Variants in SMG5 observed in about 807,000 individuals in gnomAD.
SMG5 encodes the protein SMG5 nonsense mediated mRNA decay factor, also known as nonsense-mediated mRNA decay factor SMG5.
A neutral mutation model predicts 122.9 loss-of-function variants in SMG5; 53 were observed. The ratio of observed to expected loss-of-function variants is 0.43; its 90% CI spans 0.35 to 0.54. The LOEUF is 0.54. Among genes scored for constraint, SMG5 ranks in the 20% least tolerant of loss-of-function variants. The pLI, the probability that SMG5 is intolerant of heterozygous loss-of-function variation, is 0.01. For missense variants in SMG5, 1,153 were observed against 1,285.6 expected (o/e 0.90, Z 1.58); for synonymous variants, 477 against 490.2 (o/e 0.97, Z 0.35).
At chr1:156,289,471 G>C in the SMG5 span, among the ~76,000 whole-genome samples, 1 of 152,194 alleles carries the variant, frequency 6.6e-6, no homozygotes, top group African/African-American at 2.4e-5. Context: ...AATTAGCCGG[G>C]CATGGTGGTG....
At chr1:156,285,387 G>A, upstream of SMG5, 2 of 1,588,694 alleles carry the variant, frequency 1.3e-6, no homozygotes, top group South Asian at 2.3e-5. Context: ...TCTTCAGCTG[G>A]ATCTCCCACA....
intron 7 of SMG5, among the ~76,000 whole-genome samples, chr1:156,271,314 C>T (rs1662409564): frequency 1.3e-5 from 2 of 152,216 alleles, no homozygotes; most frequent in South Asian, 4.1e-4. Flanking sequence ...ATGAAGACCA[C>T]CCTACTCCTT....
At chr1:156,253,120 C>T (rs1459172767) in intron 17 of SMG5, 42 bp from the exon 18 acceptor site, 1 of 1,531,596 alleles carries the variant, frequency 6.5e-7, no homozygotes, top group Non-Finnish European at 8.8e-7. Context: ...TGGGGGACCC[C>T]TGCAGCCGGG....
chr1:156,286,470 C>T, upstream of SMG5: 1 of 1,614,122 alleles, frequency 6.2e-7, no homozygotes, highest in South Asian at 1.1e-5. Context: ...TTTGCCGTCT[C>T]CCGGTAAGTT....
rs755362335 is a variant in SMG5 at position 156,273,344 on chromosome 1, A to T, written c.634+17T>A. The T allele has an allele frequency of 3.7e-6, 6 of 1,611,322 alleles. No homozygotes were observed. In the South Asian group the frequency reaches 4.4e-5, roughly 12 times the overall value. ...AAACCCTACTGGATTCAGAGGCCCA[A>T]GTTGGGGACAACTTACCAATCTGAG... On this transcript the variant is annotated intron_variant, in intron 6 of 21. Transcript: ENST00000361813.
At chr1:156,276,560 G>A (rs1662694786) in intron 4 of SMG5, among the ~76,000 whole-genome samples, 1 of 152,232 alleles carries the variant, frequency 6.6e-6, no homozygotes, top group Non-Finnish European at 1.5e-5. Flanking sequence ...AGAGAGAGCA[G>A]AGAGAGCTGG....
Position 156,282,621 on chromosome 1 carries a change from A to G in SMG5, c.60T>C (p.Thr20=). 6.2e-7 allele frequency: 1 copy of G among 1,608,940 alleles called. No homozygotes were observed. The highest frequency in any genetic ancestry group is 8.5e-7 in the Non-Finnish European group (1 of 1,179,670). The change falls in exon 1 of 22, where the codon ACT becomes ACC. Residue 20 remains threonine (T), a synonymous_variant. Transcript: ENST00000361813. ...GCCCCTCTCACCGGTAAAGCCGCTT[A>G]GTGTGGAGGACTTTTGCTTCGGGCT... The part of the protein sequence containing the change: ...SSEPEAKVLH[T]KRLYRAVVEA...
intron 21 of SMG5, 73 bp from the exon 22 acceptor site, chr1:156,250,743 G>A (rs1156763734): frequency 1.2e-4 from 197 of 1,601,684 alleles, no homozygotes; most frequent in Non-Finnish European, 1.6e-4. Context: ...TGAGGCGCTG[G>A]GGAAGGAGTG....
chr1:156,261,317 C>A lies in SMG5; in HGVS notation c.2107+16G>T. ...AGAGAGCAAAGAAAGGAGGGTAGTG[C>A]CAGGGACCCACTCACCAGACTCCTG... On this transcript the variant is annotated intron_variant, in intron 14 of 21. Coordinates refer to ENST00000361813, the MANE Select transcript of SMG5 (RefSeq NM_015327.3). 6.2e-7 allele frequency: 1 copy of A among 1,613,032 alleles called. No individual in the cohort carries two copies. Among genetic ancestry groups the A allele is most frequent in the Non-Finnish European group, 8.5e-7 (1 of 1,179,056 alleles).
chr1:156,264,217 G>A (rs77234346), intron 12 of SMG5, among the ~76,000 whole-genome samples: 32,637 of 133,654 alleles, frequency 0.24, 3,823 homozygotes, highest in Admixed American at 0.39. Flanking sequence ...GCAGTGAGCC[G>A]AGATTGCACC....
chr1:156,291,412 G>A, the SMG5 span: 1 of 1,613,958 alleles, frequency 6.2e-7, no homozygotes, highest in Admixed American at 1.7e-5. Flanking sequence ...CCTTTGCCGT[G>A]GGCCGCTCCT....
At chr1:156,274,939 G>A (rs982616991) in intron 4 of SMG5, among the ~76,000 whole-genome samples, 4 of 151,862 alleles carry the variant, frequency 2.6e-5, no homozygotes, top group Admixed American at 6.6e-5. Context: ...GGAGGGCTAG[G>A]GCCCTCAACC....
intron 16 of SMG5, among the ~76,000 whole-genome samples, chr1:156,256,592 T>G (rs116670713): frequency 3.6e-3 from 546 of 152,198 alleles, no homozygotes; most frequent in African/African-American, 0.013. Context: ...CCCAGAGAAC[T>G]AGTGTAGGTG....
In SMG5 at chr1:156,252,499, C is replaced by T. The variant is rs765851716; in HGVS notation, c.2668G>A (p.Asp890Asn). Residue 890 changes from aspartate to asparagine, a missense_variant, in exon 19 of 22, where the codon GAT becomes AAT. Coordinates refer to ENST00000361813, the MANE Select transcript of SMG5 (RefSeq NM_015327.3). ...TCCTTCTTCAGCAAATCCAGGCCAT[C>T]GATCACTGGTGGGCAAGGTAGGGAA... ...FIVIIPRTVI[D>N]GLDLLKKEHP... The T allele has an allele frequency of 6.2e-7, 1 of 1,613,976 alleles. No homozygotes were observed. Among genetic ancestry groups the T allele is most frequent in the South Asian group, 1.1e-5 (1 of 91,072 alleles).
chr1:156,253,456 C>T lies in SMG5; in HGVS notation c.2495G>A (p.Arg832Gln), dbSNP rs1661442484. 4 of 1,613,904 alleles carry T rather than the reference C, an allele frequency of 2.5e-6. No individual in the cohort carries two copies. Among genetic ancestry groups the T allele is most frequent in the African/African-American group, 2.7e-5 (2 of 74,868 alleles). The change falls in exon 17 of 22, where the codon CGA (arginine) becomes CAA (glutamine). Residue 832 changes from arginine to glutamine, a missense_variant. By Grantham distance (43) the Arg-to-Gln change is conservative. This residue lies in a region of SMG5 where 140 missense variants were observed against 227.8 expected (regional missense o/e 0.61). Coordinates refer to ENST00000361813, the MANE Select transcript of SMG5 (RefSeq NM_015327.3). ...TGGGTCCTGATTTCCTACCTGAAGT[C>T]GTAGCTGAGCCATGTCTCTCATGAG... ...NRLMRDMAQL[R>Q]LQLEVSQLEG...
chr1:156,284,566 C>T (rs529370841), upstream of SMG5, among the ~76,000 whole-genome samples: 1 of 152,244 alleles, frequency 6.6e-6, no homozygotes, highest in South Asian at 2.1e-4. Context: ...ACCTAAATAT[C>T]AGAATAGCAG....
At chr1:156,271,165 G>A (rs957181777) in intron 7 of SMG5, among the ~76,000 whole-genome samples, 3 of 152,148 alleles carry the variant, frequency 2.0e-5, no homozygotes, top group South Asian at 2.1e-4. Context: ...TTAATACAGC[G>A]ACTAGGTTAC....
chr1:156,251,371 T>G (rs756491854), intron 20 of SMG5, 32 bp downstream of exon 20: 2 of 1,612,362 alleles, frequency 1.2e-6, no homozygotes, highest in Non-Finnish European at 1.7e-6. Context: ...GCAGGTGGCC[T>G]GAGGTTCTAG....
At chr1:156,253,551 T>C in intron 16 of SMG5, 43 bp from the exon 17 acceptor site, 1 of 1,590,476 alleles carries the variant, frequency 6.3e-7, no homozygotes, top group South Asian at 1.1e-5. Flanking sequence ...GGGTGTATTT[T>C]CCCTTCTCCA....
Sources: gnomAD v4.1 joint callset for allele counts (sites outside exome capture counted in the v4.1 genomes callset) on GRCh38, gnomAD v4.1.1 for gene constraint, gnomAD v4.1.1 regional missense constraint, MANE v1.5 for transcripts, NCBI Gene and HGNC (gene_info 2026-07-23, HGNC 2026-07-21) for gene names.